Variants in ZNF33A observed in about 807,000 individuals in gnomAD.
The protein encoded by ZNF33A is zinc finger protein 33A, also known as brain my041 protein.
In ZNF33A, 9 loss-of-function variants were observed where a neutral mutation model predicts 15.9. The ratio of observed to expected loss-of-function variants is 0.57; its 90% CI spans 0.34 to 0.99. ZNF33A has a LOEUF of 0.99. Ranked by LOEUF, ZNF33A falls within the 50% of genes least tolerant of loss-of-function variation. The pLI is 0.02. For missense variants in ZNF33A, 843 were observed against 941.6 expected, an observed-to-expected ratio of 0.90 and a Z score of 1.37; for synonymous variants, 294 against 324.2, an observed-to-expected ratio of 0.91 and a Z score of 1.00.
chr10:38,044,787 C>A (rs2065880005), intron 4 of ZNF33A, among the ~76,000 whole-genome samples: 1 of 152,076 alleles, frequency 6.6e-6, no homozygotes. Context: ...CTTGCTTCAG[C>A]CTCCAGAGTA....
At chr10:38,014,419 C>A (rs979232313) in intron 2 of ZNF33A, among the ~76,000 whole-genome samples, 3 of 152,156 alleles carry the variant, frequency 2.0e-5, no homozygotes, top group Admixed American at 6.5e-5. Context: ...CTGGTGTGTA[C>A]TAGTCTAGAT....
chr10:38,030,998 G>A (rs186112168), intron 4 of ZNF33A, among the ~76,000 whole-genome samples: 322 of 152,292 alleles, frequency 2.1e-3, no homozygotes, highest in Middle Eastern at 0.014. Flanking sequence ...GGAGATGGCT[G>A]TAGTTACCAT....
At chr10:38,027,326 A>G (rs1343456565) in intron 4 of ZNF33A, among the ~76,000 whole-genome samples, 1 of 151,944 alleles carries the variant, frequency 6.6e-6, no homozygotes, top group Non-Finnish European at 1.5e-5. Flanking sequence ...ATTCATATGC[A>G]TCATTCATTC....
intron 4 of ZNF33A, among the ~76,000 whole-genome samples, chr10:38,040,603 A>G (rs1346748726): frequency 6.6e-6 from 1 of 151,970 alleles, no homozygotes; most frequent in Non-Finnish European, 1.5e-5. Context: ...ATTTTGTGTG[A>G]TATTAGGATA....
At chr10:38,017,221 C>G in intron 3 of ZNF33A, 70 bp from the exon 4 acceptor site, 7 of 1,478,726 alleles carry the variant, frequency 4.7e-6, no homozygotes, top group Non-Finnish European at 5.6e-6. Flanking sequence ...GCCCCAGAAG[C>G]TTCTTCCTGC....
At chr10:38,022,012 G>A (rs950043218) in intron 4 of ZNF33A, among the ~76,000 whole-genome samples, 1 of 152,076 alleles carries the variant, frequency 6.6e-6, no homozygotes. Flanking sequence ...AGAAATTTAT[G>A]GCACTAAATG....
chr10:38,061,614 A>G (rs2135793764), downstream of ZNF33A, among the ~76,000 whole-genome samples: 1 of 152,092 alleles, frequency 6.6e-6, no homozygotes, highest in South Asian at 2.1e-4. Flanking sequence ...GACATCCAAT[A>G]TGCTTTGAGT....
rs1033432824 is a variant in ZNF33A, at chr10:38,059,121, A to G, written c.*2561A>G. On this transcript the variant is annotated 3_prime_UTR_variant, in exon 5 of 5. Coordinates refer to ENST00000432900, the MANE Select transcript of ZNF33A (RefSeq NM_006954.2). ...CAGCTCAAAGATGAAATACGATCAT[A>G]TCAATAGGTACAGAAAAAGCATTTG... 7.9e-5 allele frequency: 12 copies of G among 152,252 alleles called. No homozygotes were observed. The highest frequency in any genetic ancestry group is 2.7e-4 in the African/African-American group (11 of 41,476). 9.4% of individuals were successfully genotyped at this position (152,252 alleles called of 1,614,324 possible).
downstream of ZNF33A, among the ~76,000 whole-genome samples, chr10:38,063,042 T>C (rs1409654582): frequency 5.9e-5 from 8 of 135,700 alleles, no homozygotes; most frequent in Non-Finnish European, 1.1e-4. Flanking sequence ...AGAGGAAAAG[T>C]ATCCTGTGCC....
chr10:38,055,072 G>T lies in ZNF33A; in HGVS notation c.948G>T (p.Leu316=). The T allele has an allele frequency of 6.2e-7, 1 of 1,614,148 alleles. No homozygotes were observed. Among genetic ancestry groups the T allele is most frequent in the Non-Finnish European group, 8.5e-7 (1 of 1,179,998 alleles). The part of the protein sequence containing the change: ...SGNNFRRKLC[L]SHLQKGDKGE... ...ATAATTTCAGGAGGAAATTGTGTCT[G>T]TCACACCTTCAGAAAGGTGATAAAG... The change falls in exon 5 of 5, where the codon CTG becomes CTT. Residue 316 remains leucine, a synonymous_variant. Coordinates refer to ENST00000432900, the MANE Select transcript of ZNF33A (RefSeq NM_006954.2).
chr10:38,014,964 C>T (rs963967432), intron 2 of ZNF33A, among the ~76,000 whole-genome samples: 10 of 151,822 alleles, frequency 6.6e-5, no homozygotes, highest in Non-Finnish European at 1.5e-4. Context: ...CCTCCACCTC[C>T]CGGGTTCAAG....
intron 2 of ZNF33A, among the ~76,000 whole-genome samples, chr10:38,012,902 AGACT>A (rs1167537870): frequency 6.6e-6 from 1 of 152,208 alleles, no homozygotes; most frequent in Admixed American, 6.5e-5. Context: ...GGATACAGAC[AGACT>A]GACTCCTCTG....
At chr10:38,021,215 C>T (rs2064723927) in intron 4 of ZNF33A, among the ~76,000 whole-genome samples, 1 of 152,012 alleles carries the variant, frequency 6.6e-6, no homozygotes, top group Non-Finnish European at 1.5e-5. Context: ...CAGTAGACTC[C>T]AGAGCAAAGA....
At chr10:38,011,476 T>C (rs116224384) in intron 1 of ZNF33A, among the ~76,000 whole-genome samples, 1,697 of 152,128 alleles carry the variant, frequency 0.011, 36 homozygotes, top group African/African-American at 0.038. Context: ...TCCCAGCTAC[T>C]GAGGCGGAAA....
Position 38,033,919 on chromosome 10 carries a change from G to T in ZNF33A, c.250+16533G>T, listed in dbSNP as rs1564851393. ...GTAGAGACGGGGTTTCATCATCTTGGCCAGGCTGGACTTGAACTCCTGATC... is the reference window on the plus strand; with the variant it reads ...GTAGAGACGGGGTTTCATCATCTTGTCCAGGCTGGACTTGAACTCCTGATC... On this transcript the variant is annotated intron_variant, in intron 4 of 4. Coordinates refer to ENST00000432900, the MANE Select transcript of ZNF33A (RefSeq NM_006954.2). 2.0e-5 allele frequency among the ~76,000 whole-genome samples: 3 copies of T among 151,948 alleles called. No homozygotes were observed. The South Asian group carries it at 6.3e-4, about 32-fold the overall frequency.
At chr10:38,011,177 C>T (rs1208520882) in intron 1 of ZNF33A, among the ~76,000 whole-genome samples, 1 of 152,232 alleles carries the variant, frequency 6.6e-6, no homozygotes, top group Non-Finnish European at 1.5e-5. Context: ...GCACGTATTG[C>T]ATTCATCCTC....
In ZNF33A at chr10:38,055,977, T is replaced by C; in HGVS notation, c.1853T>C (p.Phe618Ser). 6.2e-7 allele frequency: 1 copy of C among 1,613,946 alleles called. No individual in the cohort carries two copies. Among genetic ancestry groups the C allele is most frequent in the Non-Finnish European group, 8.5e-7 (1 of 1,179,938 alleles). ...GAATGTAATGAATGTGGAAAAGCCT[T>C]CTACCAGAAGTCACAACTCACTCAG... The part of the protein sequence containing the change: ...PYECNECGKA[F>S]YQKSQLTQHQ... Residue 618 changes from phenylalanine to serine, a missense_variant, in exon 5 of 5, where the codon TTC (phenylalanine) becomes TCC (serine). Physicochemically the swap from Phe to Ser is radical, Grantham distance 155. Coordinates refer to ENST00000432900, the MANE Select transcript of ZNF33A (RefSeq NM_006954.2).
downstream of ZNF33A, chr10:38,064,309 T>C (rs2066689284): frequency 1.8e-6 from 1 of 562,334 alleles, no homozygotes; most frequent in East Asian, 3.1e-5. Context: ...AAGAGACATT[T>C]CTACTTCAAA....
At chr10:38,019,148 G>C (rs9417282) in intron 4 of ZNF33A, among the ~76,000 whole-genome samples, 100 of 144,436 alleles carry the variant, frequency 6.9e-4, no homozygotes, top group Admixed American at 1.1e-3. Context: ...CCCCCACCCC[G>C]TAACAGTCCC....
Sources: gnomAD v4.1 joint callset for allele counts (sites outside exome capture counted in the v4.1 genomes callset) on GRCh38, gnomAD v4.1.1 for gene constraint, MANE v1.5 for transcripts, NCBI Gene and HGNC (gene_info 2026-07-23, HGNC 2026-07-21) for gene names.